VPS35L: variants seen among roughly 807,000 people sequenced by gnomAD.
VPS35L encodes the protein VPS35 endosomal protein sorting factor like, also known as VPS35 endosomal protein-sorting factor-like.
VPS35L carries 83 observed loss-of-function variants against 133.0 expected under a neutral mutation model. The observed-to-expected ratio is 0.62, with a 90% confidence interval of 0.52 to 0.75. The LOEUF is 0.75. Among genes scored for constraint, VPS35L ranks in the 30% least tolerant of loss-of-function variants. The pLI, the probability that VPS35L is intolerant of heterozygous loss-of-function variation, is 0.00. For synonymous variants in VPS35L, 423 were observed against 449.9 expected, an observed-to-expected ratio of 0.94 and a Z score of 0.76; for missense variants, 1,083 against 1,206.8, an observed-to-expected ratio of 0.90 and a Z score of 1.52.
chr16:19,665,216 CAATTA>C (rs902105203), intron 26 of VPS35L, among the ~76,000 whole-genome samples: 1 of 152,152 alleles, frequency 6.6e-6, no homozygotes, highest in Non-Finnish European at 1.5e-5. Flanking sequence ...TTTAAATGTA[CAATTA>C]AATTATTGAC....
chr16:19,558,784 G>A lies in VPS35L; in HGVS notation c.17+3038G>A, dbSNP rs1970937433. Among the ~76,000 whole-genome samples, 4 of 152,046 alleles carry A rather than the reference G, an allele frequency of 2.6e-5. No individual in the cohort carries two copies. In the South Asian group the frequency reaches 6.2e-4, roughly 24 times the overall value. ...AGAAAAAAAAAAAAATTCCTCAGGC[G>A]TGGTGACGGGTGCCTGCAGTCCCAG... On this transcript the variant is annotated intron_variant, in intron 1 of 30. Transcript: ENST00000417362.
At chr16:19,664,810 G>A (rs1285789165) in intron 26 of VPS35L, among the ~76,000 whole-genome samples, 2 of 151,568 alleles carry the variant, frequency 1.3e-5, no homozygotes, top group Non-Finnish European at 2.9e-5. Flanking sequence ...TGAGGCAGGA[G>A]AATCGCTTGA....
At chr16:19,698,313 C>T (rs1346821915) in intron 29 of VPS35L, among the ~76,000 whole-genome samples, 1 of 152,182 alleles carries the variant, frequency 6.6e-6, no homozygotes, top group Admixed American at 6.5e-5. Flanking sequence ...CCAGGTTCTC[C>T]TCATGCCTTG....
intron 21 of VPS35L, among the ~76,000 whole-genome samples, chr16:19,641,122 T>C (rs1334528588): frequency 6.6e-6 from 1 of 152,122 alleles, no homozygotes. Flanking sequence ...TCGAGTGAAA[T>C]GGTGCGATCT....
intron 8 of VPS35L, among the ~76,000 whole-genome samples, chr16:19,598,024 A>T (rs530421083): frequency 6.6e-6 from 1 of 152,122 alleles, no homozygotes; most frequent in South Asian, 2.1e-4. Context: ...CAGTGGGAAG[A>T]CGTGTGCCTG....
intron 29 of VPS35L, among the ~76,000 whole-genome samples, chr16:19,696,570 C>G (rs185539622): frequency 6.6e-6 from 1 of 152,006 alleles, no homozygotes; most frequent in East Asian, 1.9e-4. Context: ...AAAAGCAGCT[C>G]TTTTCTATTT....
At chr16:19,692,693 A>G (rs549220452) in intron 29 of VPS35L, among the ~76,000 whole-genome samples, 13 of 152,076 alleles carry the variant, frequency 8.5e-5, no homozygotes, top group African/African-American at 3.1e-4. Context: ...CCTCCCAAGT[A>G]GCTGGGATTC....
chr16:19,630,982 C>T (rs1364502444), intron 18 of VPS35L, among the ~76,000 whole-genome samples: 1 of 151,990 alleles, frequency 6.6e-6, no homozygotes, highest in East Asian at 1.9e-4. Flanking sequence ...ACACTCCAGC[C>T]AGAGCGACAG....
At chr16:19,630,302 G>A (rs903079289) in intron 18 of VPS35L, among the ~76,000 whole-genome samples, 1 of 107,596 alleles carries the variant, frequency 9.3e-6, no homozygotes, top group Non-Finnish European at 2.1e-5. Context: ...AGAGTAATTT[G>A]TTTATTTTAA....
intron 14 of VPS35L, among the ~76,000 whole-genome samples, chr16:19,623,962 CTTGG>C (rs966953617): frequency 1.1e-4 from 16 of 150,536 alleles, no homozygotes; most frequent in African/African-American, 3.9e-4. Context: ...CACCACCATG[CTTGG>C]CTAATTTTTA....
chr16:19,682,118 A>G, intron 27 of VPS35L, 107 bp from the exon 28 acceptor site: 1 of 1,288,490 alleles, frequency 7.8e-7, no homozygotes, highest in South Asian at 1.4e-5. Context: ...GACAACGTTA[A>G]TTTCTCTACA....
chr16:19,611,979 G>T (rs1177137506), intron 12 of VPS35L, among the ~76,000 whole-genome samples: 4 of 149,218 alleles, frequency 2.7e-5, no homozygotes, highest in Admixed American at 2.0e-4. Context: ...TCACTCTGTC[G>T]CCCGGCTGGA....
rs890369808 is a variant in VPS35L, at chr16:19,639,824, C to T, written c.1699-191C>T. 1.1e-4 allele frequency among the ~76,000 whole-genome samples: 17 copies of T among 152,144 alleles called. No homozygotes were observed. Among genetic ancestry groups the T allele is most frequent in the African/African-American group, 3.6e-4 (15 of 41,436 alleles). ...GATTACAGGTGTGAGCCACTGTGCCCGGCCCAGTAACAGCTTTTTACAAGC... is the reference window on the plus strand; with the variant it reads ...GATTACAGGTGTGAGCCACTGTGCCTGGCCCAGTAACAGCTTTTTACAAGC... On this transcript the variant is annotated intron_variant, in intron 20 of 30. Transcript: ENST00000417362. The surrounding 1 kb of genome is among the most constrained non-coding windows in gnomAD (Gnocchi z 4.1).
At chr16:19,580,997 T>G (rs1971691857) in intron 6 of VPS35L, among the ~76,000 whole-genome samples, 1 of 152,172 alleles carries the variant, frequency 6.6e-6, no homozygotes. Flanking sequence ...TGTGTCCCCA[T>G]AGAATTGTGT....
intron 26 of VPS35L, among the ~76,000 whole-genome samples, chr16:19,658,688 A>G (rs67938973): frequency 9.3e-6 from 1 of 107,132 alleles, no homozygotes; most frequent in Admixed American, 9.0e-5. Flanking sequence ...TTGAAAGAGG[A>G]AAAAAAAAAA....
chr16:19,610,104 A>G (rs1972662759), intron 11 of VPS35L, among the ~76,000 whole-genome samples: 1 of 152,216 alleles, frequency 6.6e-6, no homozygotes, highest in African/African-American at 2.4e-5. Context: ...GCAAATGATA[A>G]CGATGAAAGA....
intron 27 of VPS35L, among the ~76,000 whole-genome samples, chr16:19,680,172 C>T (rs1202249488): frequency 2.0e-5 from 3 of 152,226 alleles, no homozygotes; most frequent in Admixed American, 6.5e-5. Flanking sequence ...GCTCATTTCC[C>T]ATCTGCGAAA....
At chr16:19,569,703 C>G in intron 3 of VPS35L, 112 bp downstream of exon 3, 4 of 1,177,010 alleles carry the variant, frequency 3.4e-6, no homozygotes, top group Non-Finnish European at 4.6e-6. Context: ...GAGTCTCACT[C>G]TGTCACCCAG....
At chr16:19,557,107 G>A (rs1412104171) in intron 1 of VPS35L, among the ~76,000 whole-genome samples, 2 of 152,004 alleles carry the variant, frequency 1.3e-5, no homozygotes, top group Non-Finnish European at 2.9e-5. Context: ...ACTCCAGCCT[G>A]GGCAACAGTG....
Sources: gnomAD v4.1 joint callset for allele counts (sites outside exome capture counted in the v4.1 genomes callset) on GRCh38, gnomAD v4.1.1 for gene constraint, Gnocchi (gnomAD v3.1) non-coding constraint, MANE v1.5 for transcripts, NCBI Gene and HGNC (gene_info 2026-07-23, HGNC 2026-07-21) for gene names.